Variants in FDXACB1 observed in about 807,000 individuals in gnomAD.
FDXACB1 encodes the protein ferredoxin-fold anticodon-binding domain-containing protein 1.
In FDXACB1, 41 loss-of-function variants were observed where a neutral mutation model predicts 51.7. The ratio of observed to expected loss-of-function variants is 0.79; its 90% CI spans 0.62 to 1.03. The LOEUF is 1.03. Ranked by LOEUF, FDXACB1 falls within the 50% of genes least tolerant of loss-of-function variation. The pLI is 0.00. For synonymous variants in FDXACB1, 273 were observed against 278.6 expected, an observed-to-expected ratio of 0.98 and a Z score of 0.20; for missense variants, 697 against 746.4, an observed-to-expected ratio of 0.93 and a Z score of 0.77.
Position 111,878,632 on chromosome 11 carries a change from A to G in FDXACB1, c.253T>C (p.Tyr85His). 1 of 1,606,492 alleles carries G rather than the reference A, an allele frequency of 6.2e-7. No individual in the cohort carries two copies. Among genetic ancestry groups the G allele is most frequent in the Non-Finnish European group, 8.5e-7 (1 of 1,176,340 alleles). The part of the protein sequence containing the change: ...ELHEREFDQI[Y>H]FIFPHCGRKA... ...CGTCCACAATGCGGGAAGATGAAAT[A>G]AATTTGATCAAATTCTCTCTCGTGC... The change falls in exon 2 of 5, where the codon TAT becomes CAT. Residue 85 changes from tyrosine (Y) to histidine (H), a missense_variant. Physicochemically the swap from Tyr to His is moderately conservative, Grantham distance 83. Transcript: ENST00000260257.
Position 111,875,583 on chromosome 11 carries a change from T to A in FDXACB1, c.1214A>T (p.Asp405Val). 6.2e-7 allele frequency: 1 copy of A among 1,612,086 alleles called. No individual in the cohort carries two copies. Among genetic ancestry groups the A allele is most frequent in the East Asian group, 2.2e-5 (1 of 44,856 alleles). ...ATCCAGCAGTGATTGAAGACAGCCA[T>A]CCTTCAGATTTTGATTAACCCCAAG... is the stretch of plus-strand genomic sequence containing the variant. ...FILGVNQNLK[D>V]GCLQSLLDHL... The change falls in exon 5 of 5, where the codon GAT becomes GTT. Residue 405 changes from aspartate (D) to valine (V), a missense_variant. Asp to Val is a radical substitution (Grantham distance 152, BLOSUM62 -3). Transcript: ENST00000260257.
rs1964778329 is a variant in FDXACB1 at position 111,874,997 on chromosome 11, G to A, written c.1800C>T (p.Thr600=). 1.2e-6 allele frequency: 2 copies of A among 1,613,828 alleles called. No individual in the cohort carries two copies. Among genetic ancestry groups the A allele is most frequent in the Admixed American group, 1.7e-5 (1 of 59,992 alleles). Residue 600 remains threonine (T), a synonymous_variant, in exon 5 of 5, where the codon ACC becomes ACT. Coordinates refer to ENST00000260257, the MANE Select transcript of FDXACB1 (RefSeq NM_138378.3). ...LTYQTCDKAL[T]QQQVASMQSQ... is the part of the protein sequence containing the mutation. Reference sequence around the variant, plus strand: ...ACTGCATTGATGCTACTTGCTGCTGGGTGAGGGCCTTGTCACAGGTCTGGT... The same window carrying A: ...ACTGCATTGATGCTACTTGCTGCTGAGTGAGGGCCTTGTCACAGGTCTGGT...
chr11:111,878,582 C>A lies in FDXACB1; in HGVS notation c.303G>T (p.Arg101Ser). ...TTTGGAAAAATTTGGCAAGCAGTTCCCTGTTCTTAGCTACGCCAGCTTTGC... is the reference window on the plus strand; with the variant it reads ...TTTGGAAAAATTTGGCAAGCAGTTCACTGTTCTTAGCTACGCCAGCTTTGC... Reference protein sequence around the residue: ...CGRKAGVAKNRELLAKFFQSC... With the variant: ...CGRKAGVAKNSELLAKFFQSC... Residue 101 changes from arginine to serine, a missense_variant, in exon 2 of 5, where the codon AGG becomes AGT. Arg to Ser is a moderately radical substitution (Grantham distance 110, BLOSUM62 -1). Coordinates refer to ENST00000260257, the MANE Select transcript of FDXACB1 (RefSeq NM_138378.3). 1 of 1,599,224 alleles carries A rather than the reference C, an allele frequency of 6.3e-7. No individual in the cohort carries two copies. The highest frequency in any genetic ancestry group is 2.2e-5 in the East Asian group (1 of 44,512).
Position 111,876,066 on chromosome 11 carries a change from G to A in FDXACB1, c.731C>T (p.Thr244Ile), listed in dbSNP as rs963165619. ...LEAPSCHPIK[T>I]INEKLIAELG... ...TTCAGCAATGAGTTTCTCATTTATG[G>A]TTTTGATAGGATGACATGAAGGTGC... The change falls in exon 5 of 5, where the codon ACC becomes ATC. Residue 244 changes from threonine to isoleucine, a missense_variant. Thr to Ile is a moderately conservative substitution (Grantham distance 89). Transcript: ENST00000260257. 1.1e-5 allele frequency: 18 copies of A among 1,612,894 alleles called. No individual in the cohort carries two copies. Among genetic ancestry groups the A allele is most frequent in the Non-Finnish European group, 1.4e-5 (16 of 1,179,344 alleles).
rs1419863509 is a variant in FDXACB1, at chr11:111,878,989, C to G, written c.144G>C (p.Trp48Cys). ...GCTCGCGCAGGCACTGCAGATTCTCCCAGGCCAGTGGATCCCGAGCCAACT... is the reference window on the plus strand; with the variant it reads ...GCTCGCGCAGGCACTGCAGATTCTCGCAGGCCAGTGGATCCCGAGCCAACT... ...PAELARDPLA[W>C]ENLQCLRERG... The change falls in exon 1 of 5, where the codon TGG (tryptophan) becomes TGC (cysteine). Residue 48 changes from tryptophan to cysteine, a missense_variant. Transcript: ENST00000260257. The G allele has an allele frequency of 1.2e-6, 2 of 1,609,810 alleles. No homozygotes were observed. The highest frequency in any genetic ancestry group is 1.7e-6 in the Non-Finnish European group (2 of 1,178,416).
At position 111,876,651 on chromosome 11, in the gene FDXACB1, G is replaced by T. The variant is rs1964822794; in HGVS notation, c.534-12C>A. On this transcript the variant is annotated splice_polypyrimidine_tract_variant and intron_variant, in intron 3 of 4. Coordinates refer to ENST00000260257, the MANE Select transcript of FDXACB1 (RefSeq NM_138378.3). ...ACTTATCTTGACTCCTGGCAAAATA[G>T]ACACCAATATGAAGTCTGTCATTAT... The T allele has an allele frequency of 6.2e-7, 1 of 1,609,426 alleles. No individual in the cohort carries two copies. Among genetic ancestry groups the T allele is most frequent in the Non-Finnish European group, 8.5e-7 (1 of 1,178,266 alleles).
rs1555162069 is a variant in FDXACB1 at position 111,875,892 on chromosome 11, G to A, written c.905C>T (p.Ser302Phe). 6.2e-7 allele frequency: 1 copy of A among 1,613,820 alleles called. No individual in the cohort carries two copies. Among genetic ancestry groups the A allele is most frequent in the South Asian group, 1.1e-5 (1 of 91,072 alleles). ...ATCTTGTGATGTCCCACCAGTCAGG[G>A]ACTCAGAATTTGAGTTATCTTCATG... ...SLHEDNSNSE[S>F]LTGGTSQDVE... The change falls in exon 5 of 5, where the codon TCC becomes TTC. Residue 302 changes from serine to phenylalanine, a missense_variant. Ser to Phe is a radical substitution (Grantham distance 155). This residue lies in a region of FDXACB1 where 538 missense variants were observed against 592.2 expected (regional missense o/e 0.91). Coordinates refer to ENST00000260257, the MANE Select transcript of FDXACB1 (RefSeq NM_138378.3).
At chr11:111,878,787 T>C in intron 1 of FDXACB1, 75 bp from the exon 2 acceptor site, 1 of 1,531,842 alleles carries the variant, frequency 6.5e-7, no homozygotes, top group Non-Finnish European at 8.8e-7. Context: ...AAACTCTTCC[T>C]AACTTAAACC....
intron 1 of FDXACB1, 91 bp from the exon 2 acceptor site, chr11:111,878,803 G>T (rs1477042060): frequency 2.0e-6 from 3 of 1,518,114 alleles, no homozygotes; most frequent in Non-Finnish European, 2.7e-6. Context: ...AAACCGTGCA[G>T]ACCAGCCCAA....
In FDXACB1 at chr11:111,878,459, TATC is replaced by T. The variant is rs1254594310; in HGVS notation, c.329+94_329+96del. The T allele has an allele frequency of 7.1e-5, 95 of 1,346,340 alleles. No homozygotes were observed. In the East Asian group the frequency reaches 1.2e-3, roughly 16 times the overall value. 83.4% of individuals were successfully genotyped at this position (1,346,340 alleles called of 1,614,324 possible). ...GGGGCTTTATAGTCTCTTCTAAACA[TATC>T]ATAGTAGCTTGCACGTGTGCCTTAT... On this transcript the variant is annotated intron_variant, in intron 2 of 4. Coordinates refer to ENST00000260257, the MANE Select transcript of FDXACB1 (RefSeq NM_138378.3).
chr11:111,875,642 G>T lies in FDXACB1; in HGVS notation c.1155C>A (p.Phe385Leu), dbSNP rs61739323. The change falls in exon 5 of 5, where the codon TTC (phenylalanine) becomes TTA (leucine). Residue 385 changes from phenylalanine to leucine, a missense_variant. By Grantham distance (22) the Phe-to-Leu change is conservative. Coordinates refer to ENST00000260257, the MANE Select transcript of FDXACB1 (RefSeq NM_138378.3). ...AAGTTTCATGAAATGCTGGCATTGTGAAAGGCAAAATGTGGCACTTCTGAA... is the reference window on the plus strand; with the variant it reads ...AAGTTTCATGAAATGCTGGCATTGTTAAAGGCAAAATGTGGCACTTCTGAA... ...PVFQKCHILP[F>L]TMPAFHETLF... is the part of the protein sequence containing the mutation. The T allele has an allele frequency of 1.2e-3, 1,892 of 1,613,286 alleles. 14 individuals carry two copies. In the African/African-American group the frequency reaches 0.022, roughly 19 times the overall value.
chr11:111,874,760 C>CA lies in FDXACB1; in HGVS notation c.*161dup, dbSNP rs535629792. On this transcript the variant is annotated 3_prime_UTR_variant, in exon 5 of 5. Transcript: ENST00000260257. ...TGGGCGGCAGAGCAAGACTCCGTCT[C>CA]AAAAAAAAAAAAAAAAAAAGATCAA... is the stretch of plus-strand genomic sequence containing the variant. The CA allele has an allele frequency of 0.073, 32,811 of 450,824 alleles. 216 individuals are homozygous for CA. Among genetic ancestry groups the CA allele is most frequent in the African/African-American group, 0.15 (4,640 of 30,838 alleles). The allele number at this position is 450,824 out of a possible 1,614,324, so 27.9% of individuals were successfully genotyped here. A position where few individuals can be genotyped will look rare whatever the true frequency, so the allele number is the denominator to read the frequency against.
Position 111,875,757 on chromosome 11 carries a change from A to C in FDXACB1, c.1040T>G (p.Leu347Arg). ...AACATGCACTAGGAGAGAAGGTCTA[A>C]GGCAGATCTTGGCCTGGCCACAGGT... ...EGTCGQAKIC[L>R]RPSLLVHVQD... The change falls in exon 5 of 5, where the codon CTT (leucine) becomes CGT (arginine). Residue 347 changes from leucine (L) to arginine (R), a missense_variant. Transcript: ENST00000260257. 6.2e-7 allele frequency: 1 copy of C among 1,613,692 alleles called. No homozygotes were observed. The highest frequency in any genetic ancestry group is 2.2e-5 in the East Asian group (1 of 44,892).
At chr11:111,878,896 C>G (rs782269440) in intron 1 of FDXACB1, 65 bp downstream of exon 1, 5 of 1,551,016 alleles carry the variant, frequency 3.2e-6, no homozygotes, top group Non-Finnish European at 4.4e-6. Flanking sequence ...CCCACGCCCC[C>G]ACCCTTTCCA....
At position 111,875,575 on chromosome 11, in the gene FDXACB1, G is replaced by C; in HGVS notation, c.1222C>G (p.Leu408Val). Residue 408 changes from leucine (L) to valine (V), a missense_variant, in exon 5 of 5, where the codon CTT becomes GTT. Coordinates refer to ENST00000260257, the MANE Select transcript of FDXACB1 (RefSeq NM_138378.3). ...TTCAGATGATCCAGCAGTGATTGAA[G>C]ACAGCCATCCTTCAGATTTTGATTA... ...GVNQNLKDGC[L>V]QSLLDHLKGI... is the part of the protein sequence containing the mutation. The C allele has an allele frequency of 6.2e-7, 1 of 1,611,882 alleles. No homozygotes were observed. The highest frequency in any genetic ancestry group is 8.5e-7 in the Non-Finnish European group (1 of 1,179,606).
In FDXACB1 at chr11:111,874,811, A is replaced by G; in HGVS notation, c.*111T>C. 1.1e-6 allele frequency: 1 copy of G among 929,320 alleles called. No individual in the cohort carries two copies. Among genetic ancestry groups the G allele is most frequent in the Admixed American group, 2.9e-5 (1 of 34,996 alleles). The allele number at this position is 929,320 out of a possible 1,614,324, so 57.6% of individuals were successfully genotyped here. On this transcript the variant is annotated 3_prime_UTR_variant, in exon 5 of 5. Coordinates refer to ENST00000260257, the MANE Select transcript of FDXACB1 (RefSeq NM_138378.3). ...CGAACAGTAGCTATGGTCACAAAGT[A>G]AAAGATTTTACAAAAACAAAAATCC... is the stretch of plus-strand genomic sequence containing the variant.
At position 111,877,027 on chromosome 11, in the gene FDXACB1, GA is replaced by G; in HGVS notation, c.330-17del. The G allele has an allele frequency of 1.9e-6, 3 of 1,558,660 alleles. No individual in the cohort carries two copies. The highest frequency in any genetic ancestry group is 2.6e-6 in the Non-Finnish European group (3 of 1,150,218). On this transcript the variant is annotated splice_polypyrimidine_tract_variant and intron_variant, in intron 2 of 4. Transcript: ENST00000260257. ...GTCTGCACAGCTAATAGGGAGAAAA[GA>G]AACACTAACTAATTATCATAAACAA...
chr11:111,875,384 G>C lies in FDXACB1; in HGVS notation c.1413C>G (p.Ile471Met), dbSNP rs781906446. 3.1e-6 allele frequency: 5 copies of C among 1,613,644 alleles called. No individual in the cohort carries two copies. The South Asian group carries it at 5.5e-5, about 18-fold the overall frequency. The change falls in exon 5 of 5, where the codon ATC becomes ATG. Residue 471 changes from isoleucine (I) to methionine (M), a missense_variant. Physicochemically the swap from Ile to Met is conservative, Grantham distance 10 (BLOSUM62 1). This residue lies in a region of FDXACB1 where 538 missense variants were observed against 592.2 expected (regional missense o/e 0.91). Transcript: ENST00000260257. ...TATGTATAACACTAGTGGCAGATGT[G>C]ATAACAGACCCAATAATTAGATCCT... ...CTEDLIIGSV[I>M]TSATSVIHKD...
rs1459620232 is a variant in FDXACB1, at chr11:111,879,073, C to G, written c.60G>C (p.Leu20=). The G allele has an allele frequency of 1.9e-6, 3 of 1,613,614 alleles. No homozygotes were observed. The highest frequency in any genetic ancestry group is 2.5e-6 in the Non-Finnish European group (3 of 1,179,864). The change falls in exon 1 of 5, where the codon CTG becomes CTC. Residue 20 remains leucine, a synonymous_variant. Coordinates refer to ENST00000260257, the MANE Select transcript of FDXACB1 (RefSeq NM_138378.3). The part of the protein sequence containing the change: ...GEGNFSFAAA[L]SETLDQSTQL... ...GAGTGCTCTGATCCAGGGTTTCGCT[C>G]AGAGCGGCGGCGAAGGAGAAATTCC...
Sources: allele counts gnomAD v4.1 joint callset, GRCh38; gene constraint gnomAD v4.1.1; regional missense constraint gnomAD v4.1.1; transcripts MANE v1.5; gene names NCBI Gene and HGNC (gene_info 2026-07-23, HGNC 2026-07-21).